Variants in AGBL4 observed in about 807,000 individuals in gnomAD.
AGBL4 encodes AGBL carboxypeptidase 4, also known as cytosolic carboxypeptidase 6.
In AGBL4, 58 loss-of-function variants were observed where a neutral mutation model predicts 66.4. The observed-to-expected ratio is 0.87, with a 90% CI of 0.71 to 1.09. The LOEUF (loss-of-function observed/expected upper bound fraction) is 1.09. AGBL4 is among the 50% of genes least tolerant of loss of function. The pLI is 0.00. For missense variants in AGBL4, 579 were observed against 631.0 expected (o/e 0.92, Z 0.88); for synonymous variants, 234 against 222.9 (o/e 1.05, Z -0.44).
chr1:48,741,517 T>C (rs1053119082), intron 6 of AGBL4, among the ~76,000 whole-genome samples: 1 of 152,214 alleles, frequency 6.6e-6, no homozygotes, highest in African/African-American at 2.4e-5. Flanking sequence ...GCCCATCAGC[T>C]TTGCCTCTGC....
intron 3 of AGBL4, among the ~76,000 whole-genome samples, chr1:49,413,272 T>C (rs1190593817): frequency 6.6e-6 from 1 of 152,174 alleles, no homozygotes; most frequent in East Asian, 1.9e-4. Context: ...TTAACAAATA[T>C]TTATTATTTA....
At chr1:49,320,379 T>G (rs1243255111) in intron 3 of AGBL4, among the ~76,000 whole-genome samples, 1 of 152,164 alleles carries the variant, frequency 6.6e-6, no homozygotes, top group Admixed American at 6.5e-5. Context: ...GGTTTTACTA[T>G]TAAGGAAGCA....
At chr1:48,644,269 A>G (rs1336456049) in intron 8 of AGBL4, among the ~76,000 whole-genome samples, 1 of 151,904 alleles carries the variant, frequency 6.6e-6, no homozygotes, top group Non-Finnish European at 1.5e-5. Flanking sequence ...CCCCTGGCCA[A>G]CTCCCACTCA....
chr1:49,640,276 G>A (rs952650284), intron 3 of AGBL4, among the ~76,000 whole-genome samples: 2 of 152,154 alleles, frequency 1.3e-5, no homozygotes, highest in African/African-American at 4.8e-5. Flanking sequence ...TTGCCAAGGT[G>A]ATGGGGATTT....
intron 6 of AGBL4, chr1:48,760,937 G>A (rs1464545128): frequency 6.4e-6 from 1 of 157,164 alleles, no homozygotes; most frequent in Non-Finnish European, 1.4e-5. Context: ...ACTTCCCAAT[G>A]AGTCCAGCCT....
intron 2 of AGBL4, among the ~76,000 whole-genome samples, chr1:49,743,432 G>A (rs532737143): frequency 5.9e-5 from 9 of 152,288 alleles, no homozygotes; most frequent in Admixed American, 5.2e-4. Context: ...TGGAGAAATA[G>A]GAACACTTTT....
At chr1:48,690,124 G>T (rs551598268) in intron 6 of AGBL4, among the ~76,000 whole-genome samples, 1 of 152,352 alleles carries the variant, frequency 6.6e-6, no homozygotes, top group Admixed American at 6.5e-5. Flanking sequence ...CCCAGGCCTG[G>T]TTCTCAGAGT....
chr1:49,526,830 C>CT (rs1393665202), intron 3 of AGBL4, among the ~76,000 whole-genome samples: 1 of 152,126 alleles, frequency 6.6e-6, no homozygotes, highest in Non-Finnish European at 1.5e-5. Context: ...TGCATGGTAT[C>CT]TAATTGACCA....
At chr1:49,720,878 C>G (rs904995136) in intron 2 of AGBL4, among the ~76,000 whole-genome samples, 3 of 152,138 alleles carry the variant, frequency 2.0e-5, no homozygotes, top group Non-Finnish European at 4.4e-5. Flanking sequence ...TGACAAGTTA[C>G]ACTTGAAGGA....
intron 6 of AGBL4, among the ~76,000 whole-genome samples, chr1:48,839,011 A>G (rs967415971): frequency 9.2e-5 from 14 of 152,182 alleles, no homozygotes; most frequent in African/African-American, 3.4e-4. Flanking sequence ...CTATTATCAA[A>G]ATAAAAAAGA....
chr1:49,630,673 C>G (rs1358139832), intron 3 of AGBL4, among the ~76,000 whole-genome samples: 1 of 152,144 alleles, frequency 6.6e-6, no homozygotes, highest in African/African-American at 2.4e-5. Context: ...GGCAGATAGG[C>G]TAATTAATTG....
intron 3 of AGBL4, among the ~76,000 whole-genome samples, chr1:49,670,905 A>G (rs1015907866): frequency 6.6e-6 from 1 of 152,182 alleles, no homozygotes; most frequent in Non-Finnish European, 1.5e-5. Context: ...CTTCTACTTC[A>G]AGAAGCTAAA....
At chr1:48,551,605 G>T (rs1644249719) in intron 11 of AGBL4, among the ~76,000 whole-genome samples, 1 of 152,100 alleles carries the variant, frequency 6.6e-6, no homozygotes, top group Admixed American at 6.6e-5. Flanking sequence ...AGAAAGAAAA[G>T]AACAGAGAGA....
chr1:49,301,300 A>C (rs1262344394), intron 3 of AGBL4, among the ~76,000 whole-genome samples: 5 of 152,208 alleles, frequency 3.3e-5, no homozygotes, highest in African/African-American at 1.2e-4. Flanking sequence ...CAACCTTTGC[A>C]AAAATTATAA....
chr1:48,615,449 G>A (rs1308025867), intron 9 of AGBL4, among the ~76,000 whole-genome samples: 3 of 152,070 alleles, frequency 2.0e-5, no homozygotes, highest in Non-Finnish European at 4.4e-5. Context: ...GAGCTACAGG[G>A]GAAACACCAG....
chr1:48,783,879 A>G (rs1412325501), intron 6 of AGBL4, among the ~76,000 whole-genome samples: 1 of 152,200 alleles, frequency 6.6e-6, no homozygotes, highest in Non-Finnish European at 1.5e-5. Context: ...AATTCTCAAC[A>G]AGTCATAAAT....
intron 4 of AGBL4, among the ~76,000 whole-genome samples, chr1:49,116,573 G>C (rs181071778): frequency 1.9e-4 from 29 of 152,280 alleles, no homozygotes; most frequent in African/African-American, 6.0e-4. Flanking sequence ...TGGCTGCATA[G>C]TATTGCATGG....
intron 2 of AGBL4, among the ~76,000 whole-genome samples, chr1:49,757,251 A>G (rs1222743062): frequency 6.6e-6 from 1 of 152,206 alleles, no homozygotes; most frequent in South Asian, 2.1e-4. Context: ...CCAGCCATGC[A>G]AAACTGAGAG....
At chr1:49,099,863 C>T (rs1003896477) in intron 4 of AGBL4, among the ~76,000 whole-genome samples, 3 of 152,122 alleles carry the variant, frequency 2.0e-5, no homozygotes, top group African/African-American at 7.2e-5. Flanking sequence ...TGAGAAGGCC[C>T]TGGGGCTTTG....
Sources: allele counts gnomAD v4.1 joint callset (sites outside exome capture counted in the v4.1 genomes callset), GRCh38; gene constraint gnomAD v4.1.1; transcripts MANE v1.5; gene names NCBI Gene and HGNC (gene_info 2026-07-23, HGNC 2026-07-21).